Variants in SEMA7A observed in about 807,000 individuals in gnomAD.
SEMA7A encodes semaphorin 7A (JohnMiltonHagen blood group).
Under a neutral mutation model 67.5 loss-of-function variants are expected in SEMA7A, and 21 were observed. The ratio of observed to expected loss-of-function variants is 0.31; its 90% CI spans 0.22 to 0.45. SEMA7A has a LOEUF of 0.45. Among genes scored for constraint, SEMA7A ranks in the 20% least tolerant of loss-of-function variants. The pLI is 1.00. For synonymous variants in SEMA7A, 364 were observed against 368.5 expected (o/e 0.99, Z 0.14); for missense variants, 774 against 908.6 (o/e 0.85, Z 1.90).
At chr15:74,412,064 G>A in intron 10 of SEMA7A, 52 bp from the exon 11 acceptor site, 2 of 1,609,716 alleles carry the variant, frequency 1.2e-6, no homozygotes, top group Non-Finnish European at 8.5e-7. Context: ...TGAGGGGCCA[G>A]GCAGCTTTCC....
At position 74,417,691 on chromosome 15, in the gene SEMA7A, A is replaced by G. The variant is rs1206572477; in HGVS notation, c.466-16T>C. The G allele has an allele frequency of 4.4e-6, 7 of 1,603,142 alleles. No individual in the cohort carries two copies. Among genetic ancestry groups the G allele is most frequent in the Non-Finnish European group, 6.0e-6 (7 of 1,174,176 alleles). ...TGCCATTCACCTGTGGGAGATCCAGAGGGTTGGATGGCCACATAATCCCAC... is the reference window on the plus strand; with the variant it reads ...TGCCATTCACCTGTGGGAGATCCAGGGGGTTGGATGGCCACATAATCCCAC... On this transcript the variant is annotated splice_polypyrimidine_tract_variant and intron_variant, in intron 4 of 13. Transcript: ENST00000261918.
chr15:74,419,345 A>G (rs1272277271), intron 1 of SEMA7A, among the ~76,000 whole-genome samples: 1 of 152,100 alleles, frequency 6.6e-6, no homozygotes, highest in African/African-American at 2.4e-5. Flanking sequence ...ATGCTCTGGG[A>G]GGTTCTCTGC....
At position 74,418,958 on chromosome 15, in the gene SEMA7A, G is replaced by A. The variant is rs1206492165; in HGVS notation, c.179-6C>T. The A allele has an allele frequency of 3.1e-6, 5 of 1,612,156 alleles. No homozygotes were observed. In the African/African-American group the frequency reaches 4.0e-5, roughly 13 times the overall value. ...CCGGTCCTGCCCTACATGGCCTGAG[G>A]AGGAGACAATTAGTAGAAACATTGA... On this transcript the variant is annotated splice_polypyrimidine_tract_variant and splice_region_variant and intron_variant, in intron 1 of 13. Coordinates refer to ENST00000261918, the MANE Select transcript of SEMA7A (RefSeq NM_003612.5).
At chr15:74,425,453 A>G (rs1296973831) in intron 1 of SEMA7A, among the ~76,000 whole-genome samples, 1 of 152,086 alleles carries the variant, frequency 6.6e-6, no homozygotes, top group Non-Finnish European at 1.5e-5. Flanking sequence ...TGCTTATAAC[A>G]TCGTATTCCA....
Position 74,417,307 on chromosome 15 carries a change from C to T in SEMA7A, c.661+28G>A, listed in dbSNP as rs375110689. The T allele has an allele frequency of 2.2e-4, 352 of 1,583,690 alleles. 1 individual carries two copies. The highest frequency in any genetic ancestry group is 5.0e-4 in the Middle Eastern group (3 of 6,012). ...TTAAGTGCTCACACCCCCTTGCCCA[C>T]CCTCAGCCCAGCCGGAGCCTGACTC... On this transcript the variant is annotated intron_variant, in intron 6 of 13. Coordinates refer to ENST00000261918, the MANE Select transcript of SEMA7A (RefSeq NM_003612.5).
At chr15:74,425,098 G>A (rs1220067290) in intron 1 of SEMA7A, among the ~76,000 whole-genome samples, 1 of 152,218 alleles carries the variant, frequency 6.6e-6, no homozygotes, top group Non-Finnish European at 1.5e-5. Flanking sequence ...AGCCAGCAAA[G>A]CCCATTAGGG....
intron 10 of SEMA7A, among the ~76,000 whole-genome samples, chr15:74,413,007 C>G (rs2060915362): frequency 6.6e-6 from 1 of 152,162 alleles, no homozygotes; most frequent in Admixed American, 6.5e-5. Context: ...CTCCCAGTTT[C>G]TAGAATAGCC....
rs2060894929 is a variant in SEMA7A, at chr15:74,411,006, C to G, written c.1640-21G>C. The G allele has an allele frequency of 6.2e-7, 1 of 1,602,680 alleles. No homozygotes were observed. Among genetic ancestry groups the G allele is most frequent in the East Asian group, 2.2e-5 (1 of 44,758 alleles). The stretch of plus-strand genomic sequence containing the variant: ...CTTGTCTGGGGAGGCAGTGGGGAAG[C>G]AGCCGTGAGGAGGGACAAAGAGCTC... On this transcript the variant is annotated intron_variant, in intron 13 of 13. Coordinates refer to ENST00000261918, the MANE Select transcript of SEMA7A (RefSeq NM_003612.5). The surrounding 1 kb of genome is among the most constrained non-coding windows in gnomAD (Gnocchi z 4.4).
At position 74,433,719 on chromosome 15, in the gene SEMA7A, C is replaced by G. The variant is rs999542450; in HGVS notation, c.178+22G>C. On this transcript the variant is annotated intron_variant, in intron 1 of 13. Coordinates refer to ENST00000261918, the MANE Select transcript of SEMA7A (RefSeq NM_003612.5). Reference sequence around the variant, plus strand: ...GCGCAGCGTCTGATCCCGCGCCTGACCGGCCGCGCGGCGCCGCCTACCTTT... The same window carrying G: ...GCGCAGCGTCTGATCCCGCGCCTGAGCGGCCGCGCGGCGCCGCCTACCTTT... 30 of 1,419,774 alleles carry G rather than the reference C, an allele frequency of 2.1e-5. No individual in the cohort carries two copies. In the Middle Eastern group the frequency reaches 9.9e-4, roughly 47 times the overall value. The allele number at this position is 1,419,774 out of a possible 1,614,324, so 87.9% of individuals were successfully genotyped here. A position where few individuals can be genotyped will look rare whatever the true frequency, so the allele number is the denominator to read the frequency against.
At position 74,411,990 on chromosome 15, in the gene SEMA7A, C is replaced by A; in HGVS notation, c.1317G>T (p.Val439=). The change falls in exon 11 of 14, where the codon GTG becomes GTT. Residue 439 remains valine (V), a synonymous_variant. Coordinates refer to ENST00000261918, the MANE Select transcript of SEMA7A (RefSeq NM_003612.5). This position sits in a 1 kb window ranked among gnomAD's most constrained non-coding sequence, Gnocchi z 4.4. ...LTTDRGTIHK[V]VEPGEQEHSF... is the part of the protein sequence containing the mutation. ...TGTGCTCCTGCTCCCCCGGTTCCACCACCTTGTGGATAGTGCCCCTGTCTG... is the reference window on the plus strand; with the variant it reads ...TGTGCTCCTGCTCCCCCGGTTCCACAACCTTGTGGATAGTGCCCCTGTCTG... The A allele has an allele frequency of 6.2e-7, 1 of 1,613,952 alleles. No homozygotes were observed. The highest frequency in any genetic ancestry group is 1.3e-5 in the African/African-American group (1 of 75,018).
rs192930996 is a variant in SEMA7A at position 74,418,882 on chromosome 15, G to C, written c.249C>G (p.Gly83=). ...GTCCTCCCACCCACACAGAGGAGCT[G>C]CCTGGCTCGTGGAAAAGCACCGTGT... The part of the protein sequence containing the change: ...EPHTVLFHEP[G]SSSVWVGGRG... Residue 83 remains glycine, a synonymous_variant, in exon 2 of 14, where the codon GGC becomes GGG. Coordinates refer to ENST00000261918, the MANE Select transcript of SEMA7A (RefSeq NM_003612.5). The C allele has an allele frequency of 6.2e-7, 1 of 1,613,890 alleles. No homozygotes were observed. Among genetic ancestry groups the C allele is most frequent in the East Asian group, 2.2e-5 (1 of 44,886 alleles).
At position 74,416,576 on chromosome 15, in the gene SEMA7A, C is replaced by T; in HGVS notation, c.800G>A (p.Arg267Lys). 2 of 1,613,918 alleles carry T rather than the reference C, an allele frequency of 1.2e-6. No individual in the cohort carries two copies. Among genetic ancestry groups the T allele is most frequent in the Non-Finnish European group, 1.7e-6 (2 of 1,179,842 alleles). ...LNVSRVAQLCRGDQGGESSLS... is the reference protein window; with the variant it reads ...LNVSRVAQLCKGDQGGESSLS... Reference sequence around the variant, plus strand: ...AGCAGCCCTCACGCCCCTGCTCACCCTGCACAACTGGGCCACACGGGACAC... The same window carrying T: ...AGCAGCCCTCACGCCCCTGCTCACCTTGCACAACTGGGCCACACGGGACAC... The change falls in exon 7 of 14, where the codon AGG becomes AAG. Residue 267 changes from arginine (R) to lysine (K), a missense_variant and splice_region_variant. By Grantham distance (26) the Arg-to-Lys change is conservative. Transcript: ENST00000261918.
Position 74,428,199 on chromosome 15 carries a change from G to A in SEMA7A, c.178+5542C>T, listed in dbSNP as rs118154145. On this transcript the variant is annotated intron_variant, in intron 1 of 13. Coordinates refer to ENST00000261918, the MANE Select transcript of SEMA7A (RefSeq NM_003612.5). Reference sequence around the variant, plus strand: ...CCTGAAGAGAGGACACTCACAGCTGGTGTGGCTCCTGGGAACAGACAGCAC... The same window carrying A: ...CCTGAAGAGAGGACACTCACAGCTGATGTGGCTCCTGGGAACAGACAGCAC... Among the ~76,000 whole-genome samples the A allele has an allele frequency of 1.0e-3, 155 of 152,354 alleles. No individual in the cohort carries two copies. In the Middle Eastern group the frequency reaches 0.017, roughly 17 times the overall value.
In SEMA7A at chr15:74,411,612, TC is replaced by T; in HGVS notation, c.1520del (p.Arg507GlnfsTer58). 1 of 1,606,708 alleles carries T rather than the reference TC, an allele frequency of 6.2e-7. No homozygotes were observed. The highest frequency in any genetic ancestry group is 8.5e-7 in the Non-Finnish European group (1 of 1,176,444). ...GGGCHGCLMS[R>X]DPYCGWDQGR... ...CTTGGTCCCAGCCGCAGTAGGGGTC[TC>T]GGGACATGAGGCAACCGTGGCAGCC... On this transcript the variant is annotated frameshift_variant, in exon 12 of 14. Coordinates refer to ENST00000261918, the MANE Select transcript of SEMA7A (RefSeq NM_003612.5). LOFTEE classifies it high-confidence loss of function. This position sits in a 1 kb window ranked among gnomAD's most constrained non-coding sequence, Gnocchi z 4.4.
intron 7 of SEMA7A, 99 bp from the exon 8 acceptor site, chr15:74,416,084 G>A (rs1323457635): frequency 5.5e-6 from 7 of 1,279,724 alleles, no homozygotes; most frequent in Middle Eastern, 3.9e-4. Context: ...CCTGGGCCCA[G>A]AGGAGGAAGG....
At chr15:74,424,772 C>T (rs2061029789) in intron 1 of SEMA7A, among the ~76,000 whole-genome samples, 1 of 152,200 alleles carries the variant, frequency 6.6e-6, no homozygotes, top group Admixed American at 6.5e-5. Flanking sequence ...GCCCTGAGCC[C>T]ACGCCCAGGG....
At chr15:74,419,215 A>G (rs544669664) in intron 1 of SEMA7A, among the ~76,000 whole-genome samples, 1 of 152,180 alleles carries the variant, frequency 6.6e-6, no homozygotes, top group South Asian at 2.1e-4. Flanking sequence ...TCCTTCCTTC[A>G]CAGTATGTGT....
chr15:74,433,450 T>G, intron 1 of SEMA7A: 1 of 701,060 alleles, frequency 1.4e-6, no homozygotes, highest in Non-Finnish European at 1.9e-6. Context: ...GCCCGCCCCC[T>G]CCCCTGGCGC....
chr15:74,417,834 T>C (rs757070978), intron 4 of SEMA7A, 43 bp downstream of exon 4: 57 of 1,602,254 alleles, frequency 3.6e-5, no homozygotes, highest in Non-Finnish European at 4.5e-5. Context: ...GCCCACGCAG[T>C]AGAAGGTGAG....
Sources: allele counts gnomAD v4.1 joint callset (sites outside exome capture counted in the v4.1 genomes callset), GRCh38; gene constraint gnomAD v4.1.1; non-coding constraint Gnocchi (gnomAD v3.1); transcripts MANE v1.5; gene names NCBI Gene and HGNC (gene_info 2026-07-23, HGNC 2026-07-21).